Variants in DYNC2I1 observed in about 807,000 individuals in gnomAD.
DYNC2I1 encodes the protein cytoplasmic dynein 2 intermediate chain 1.
Under a neutral mutation model 133.4 loss-of-function variants are expected in DYNC2I1, and 89 were observed. The ratio of observed to expected loss-of-function variants is 0.67; its 90% CI spans 0.56 to 0.80. The LOEUF (loss-of-function observed/expected upper bound fraction) is 0.80. DYNC2I1 is among the 30% of genes least tolerant of loss of function. The pLI is 0.00. For missense variants in DYNC2I1, 1,291 were observed against 1,314.5 expected, an observed-to-expected ratio of 0.98 and a Z score of 0.28; for synonymous variants, 504 against 484.3, an observed-to-expected ratio of 1.04 and a Z score of -0.54.
intron 19 of DYNC2I1, 48 bp from the exon 20 acceptor site, chr7:158,926,944 C>G: frequency 7.1e-7 from 1 of 1,415,678 alleles, no homozygotes; most frequent in Non-Finnish European, 9.7e-7. Flanking sequence ...TAGGTTGTTT[C>G]ATAATTATAA....
chr7:158,868,573 G>C (rs1184319208), intron 1 of DYNC2I1, among the ~76,000 whole-genome samples: 1 of 152,230 alleles, frequency 6.6e-6, no homozygotes, highest in Admixed American at 6.5e-5. Context: ...AGCAGTGCTC[G>C]GTGTGTGCGA....
chr7:158,879,308 C>T (rs191040421), intron 4 of DYNC2I1, among the ~76,000 whole-genome samples: 1 of 152,128 alleles, frequency 6.6e-6, no homozygotes, highest in East Asian at 1.9e-4. Context: ...AAAGACAGCA[C>T]AGTCGTCCCT....
intron 8 of DYNC2I1, 45 bp from the exon 9 acceptor site, chr7:158,901,694 T>C (rs1303984797): frequency 1.6e-6 from 2 of 1,272,442 alleles, no homozygotes; most frequent in Admixed American, 4.5e-5. Context: ...AATATTCAAT[T>C]TTATGATTGA....
chr7:158,903,361 G>A (rs565991693), intron 10 of DYNC2I1: 63 of 152,130 alleles, frequency 4.1e-4, no homozygotes, highest in African/African-American at 1.5e-3. Context: ...GATAAAACAT[G>A]GGCACTGAGG....
chr7:158,947,148 T>G (rs1851911422), downstream of DYNC2I1, among the ~76,000 whole-genome samples: 1 of 152,216 alleles, frequency 6.6e-6, no homozygotes, highest in Non-Finnish European at 1.5e-5. Context: ...TTGTTCATCT[T>G]CCGTCTGCAT....
At chr7:158,926,913 T>C in intron 19 of DYNC2I1, 79 bp from the exon 20 acceptor site, 1 of 1,073,976 alleles carries the variant, frequency 9.3e-7, no homozygotes, top group Non-Finnish European at 1.4e-6. Context: ...CACTCCATCT[T>C]AATTAGAGCT....
rs1285163963 is a variant in DYNC2I1 at position 158,945,601 on chromosome 7, TG to T, written c.3026del (p.Gly1009ValfsTer27). The T allele has an allele frequency of 6.2e-7, 1 of 1,605,964 alleles. No individual in the cohort carries two copies. Among genetic ancestry groups the T allele is most frequent in the East Asian group, 2.2e-5 (1 of 44,528 alleles). On this transcript the variant is annotated frameshift_variant, in exon 25 of 25. Transcript: ENST00000407559. LOFTEE classifies it low-confidence loss of function (END_TRUNC). The surrounding 1 kb of genome is among the most constrained non-coding windows in gnomAD (Gnocchi z 4.1). ...SPNRLVAMAA[V>X]GEPEKAGGSF... ...TGCAGGCTGGTGGCCATGGCTGCGG[TG>T]GGTGAGCCTGAGAAGGCTGGTGGCA...
downstream of DYNC2I1, among the ~76,000 whole-genome samples, chr7:158,958,130 C>G (rs901400826): frequency 1.3e-5 from 2 of 150,234 alleles, no homozygotes; most frequent in Non-Finnish European, 3.0e-5. Flanking sequence ...GCCCGTCAGC[C>G]ACAGACACGC....
At chr7:158,934,088 G>C in intron 21 of DYNC2I1, 41 bp from the exon 22 acceptor site, 1 of 1,378,852 alleles carries the variant, frequency 7.3e-7, no homozygotes, top group South Asian at 1.2e-5. Flanking sequence ...CTTAAGGTTG[G>C]AAACAGTCCA....
chr7:158,913,513 G>A (rs1319439388), intron 13 of DYNC2I1, among the ~76,000 whole-genome samples: 2 of 152,024 alleles, frequency 1.3e-5, no homozygotes, highest in East Asian at 1.9e-4. Context: ...AATTTATATC[G>A]AAGGTCCCTA....
chr7:158,917,297 A>T (rs1848508608), intron 14 of DYNC2I1, among the ~76,000 whole-genome samples: 1 of 152,060 alleles, frequency 6.6e-6, no homozygotes, highest in East Asian at 1.9e-4. Flanking sequence ...GTTGAAATTA[A>T]GGATGATTGT....
intron 14 of DYNC2I1, among the ~76,000 whole-genome samples, chr7:158,917,337 ACAC>A (rs1848526224): frequency 6.6e-6 from 1 of 151,020 alleles, no homozygotes; most frequent in Non-Finnish European, 1.5e-5. Flanking sequence ...CCTGCCCTCC[ACAC>A]TCCACCCTCC....
At chr7:158,862,990 T>C (rs1347240501) in intron 1 of DYNC2I1, among the ~76,000 whole-genome samples, 1 of 151,704 alleles carries the variant, frequency 6.6e-6, no homozygotes, top group Non-Finnish European at 1.5e-5. Flanking sequence ...ACCTTTGCAG[T>C]GAGTGTTACA....
the DYNC2I1 span, among the ~76,000 whole-genome samples, chr7:158,841,153 C>T: frequency 3.1e-4 from 37 of 117,892 alleles, no homozygotes; most frequent in Admixed American, 1.2e-3. Context: ...GATTGTAGGT[C>T]TGCAAATATA....
chr7:158,918,623 C>A, intron 14 of DYNC2I1, 117 bp from the exon 15 acceptor site: 1 of 1,152,674 alleles, frequency 8.7e-7, no homozygotes, highest in Non-Finnish European at 1.2e-6. Context: ...GTTATGATAG[C>A]GTCATGGATC....
At chr7:158,913,795 G>A (rs909839322) in intron 13 of DYNC2I1, among the ~76,000 whole-genome samples, 15 of 152,160 alleles carry the variant, frequency 9.9e-5, no homozygotes, top group African/African-American at 3.4e-4. Flanking sequence ...TGTAACCTCC[G>A]CCTCTTGGGT....
chr7:158,908,170 T>C (rs913615812), intron 11 of DYNC2I1, among the ~76,000 whole-genome samples: 2 of 151,954 alleles, frequency 1.3e-5, no homozygotes, highest in African/African-American at 4.8e-5. Flanking sequence ...AAGGAAATAG[T>C]ATAGAGGCAC....
At chr7:158,917,501 C>G (rs1848572658) in intron 14 of DYNC2I1, among the ~76,000 whole-genome samples, 1 of 108,840 alleles carries the variant, frequency 9.2e-6, no homozygotes, top group Non-Finnish European at 1.9e-5. Flanking sequence ...ACCTCCTGTC[C>G]TCCACACTCC....
chr7:158,856,517 C>G (rs1584917248), upstream of DYNC2I1: 1 of 415,412 alleles, frequency 2.4e-6, no homozygotes, highest in Admixed American at 4.5e-5. Flanking sequence ...CCTGCTCCTG[C>G]CTGCCAGGTG....
Sources: allele counts gnomAD v4.1 joint callset (sites outside exome capture counted in the v4.1 genomes callset), GRCh38; gene constraint gnomAD v4.1.1; non-coding constraint Gnocchi (gnomAD v3.1); transcripts MANE v1.5; gene names NCBI Gene and HGNC (gene_info 2026-07-23, HGNC 2026-07-21).